IL9R: variants seen among roughly 807,000 people sequenced by gnomAD.
The protein encoded by IL9R is interleukin-9 receptor.
In IL9R, 54 loss-of-function variants were observed where a neutral mutation model predicts 56.3. The ratio of observed to expected loss-of-function variants is 0.96; its 90% CI spans 0.77 to 1.20. The LOEUF is 1.20. Ranked by LOEUF, IL9R falls within the 50% of genes most tolerant of loss-of-function variation. The pLI is 0.00. For synonymous variants in IL9R, 212 were observed against 250.2 expected, an observed-to-expected ratio of 0.85 and a Z score of 1.44; for missense variants, 545 against 629.8, an observed-to-expected ratio of 0.87 and a Z score of 1.44.
intron 1 of IL9R, chrX:156,001,368 A>G (rs1569468718): frequency 1.5e-6 from 2 of 1,349,864 alleles, no homozygotes; most frequent in South Asian, 2.3e-5. Context: ...CACATATCCC[A>G]AGAGCAGGCT....
At chrX:156,001,322 T>G (rs1334755474) in intron 1 of IL9R, 12 of 919,076 alleles carry the variant, frequency 1.3e-5, no homozygotes. Context: ...GTGCCTGTGC[T>G]TCCCCAGGTC....
At chrX:156,005,174 G>A in intron 5 of IL9R, 104 bp from the exon 6 acceptor site, 1 of 860,062 alleles carries the variant, frequency 1.2e-6, no homozygotes, top group Admixed American at 2.0e-5. Flanking sequence ...ACACAAGTGT[G>A]TTCAAGAGTG....
chrX:156,006,120 C>T lies in IL9R; in HGVS notation c.819C>T (p.Thr273=), dbSNP rs368064110. The T allele has an allele frequency of 5.1e-5, 81 of 1,599,798 alleles. No homozygotes were observed. The African/African-American group carries it at 9.9e-4, about 20-fold the overall frequency. Residue 273 remains threonine, a synonymous_variant, in exon 7 of 9, where the codon ACC becomes ACT. Transcript: ENST00000244174. ...CACCCTGGGGGTGGCCAGGCAACAC[C>T]CTTGTTGCTGTGTCCATCTTTCTCC... ...LIPPWGWPGN[T]LVAVSIFLLL...
intron 4 of IL9R, chrX:156,004,084 T>A: frequency 1.6e-6 from 1 of 608,670 alleles, no homozygotes; most frequent in South Asian, 2.0e-5. Flanking sequence ...GGCTGCTAGT[T>A]GGGGCAGGGG....
Position 156,001,566 on chromosome X carries a change from G to A in IL9R, c.29-1340G>A, listed in dbSNP as rs1190046383. On this transcript the variant is annotated intron_variant, in intron 1 of 8. Transcript: ENST00000244174. ...GACTGTCCTATGGGTACCTGTATAC[G>A]CTGCCGGGAGTGGGGCAGAGTGGGG... 4.4e-5 allele frequency: 53 copies of A among 1,214,438 alleles called. No individual in the cohort carries two copies. In the East Asian group the frequency reaches 7.2e-4, roughly 17 times the overall value. 75.2% of individuals were successfully genotyped at this position (1,214,438 alleles called of 1,614,324 possible).
intron 1 of IL9R, among the ~76,000 whole-genome samples, chrX:156,002,089 C>A (rs2067570277): frequency 6.6e-6 from 1 of 151,976 alleles, no homozygotes; most frequent in Non-Finnish European, 1.5e-5. Flanking sequence ...CGCCTGTAAT[C>A]CCAACACTTT....
At position 156,003,947 on chromosome X, in the gene IL9R, T is replaced by C. The variant is rs1053455941; in HGVS notation, c.433+92T>C. ...GGAGCAGGGCCTTGCAGCCTGTGAG[T>C]GGCCCAGTGAGTGTTCTCAGTCCCA... On this transcript the variant is annotated intron_variant, in intron 4 of 8. Transcript: ENST00000244174. The C allele has an allele frequency of 2.3e-6, 3 of 1,322,872 alleles. No individual in the cohort carries two copies. In the Admixed American group the frequency reaches 5.9e-5, roughly 26 times the overall value. 81.9% of individuals were successfully genotyped at this position (1,322,872 alleles called of 1,614,324 possible). A position where few individuals can be genotyped will look rare whatever the true frequency, so the allele number is the denominator to read the frequency against.
At chrX:156,001,528 A>C (rs780275378) in intron 1 of IL9R, 1 of 1,512,488 alleles carries the variant, frequency 6.6e-7, no homozygotes, top group Admixed American at 1.7e-5. Flanking sequence ...CCTGATCATC[A>C]GTCTTAACAG....
At chrX:156,001,541 G>T in intron 1 of IL9R, 1 of 1,423,444 alleles carries the variant, frequency 7.0e-7, no homozygotes, top group Non-Finnish European at 9.9e-7. Flanking sequence ...CTTAACAGGG[G>T]ACTGTCCTAT....
In IL9R at chrX:156,010,055, G is replaced by C. The variant is rs756014316; in HGVS notation, c.1212G>C (p.Thr404=). 5.1e-6 allele frequency: 8 copies of C among 1,554,842 alleles called. No individual in the cohort carries two copies. Among genetic ancestry groups the C allele is most frequent in the Admixed American group, 1.7e-5 (1 of 58,060 alleles). Residue 404 remains threonine, a synonymous_variant, in exon 9 of 9, where the codon ACG becomes ACC. Transcript: ENST00000244174. ...GGTGTACGGAGTGGAGGGTACAGAC[G>C]CTTGCCTATCTGCCACAGGAGGACT... ...PAGCTEWRVQ[T]LAYLPQEDWA... is the part of the protein sequence containing the mutation.
intron 2 of IL9R, 21 bp downstream of exon 2, chrX:156,003,040 T>C (rs2067649477): frequency 1.2e-6 from 2 of 1,613,510 alleles, no homozygotes; most frequent in Admixed American, 3.3e-5. Flanking sequence ...GGCACTAATG[T>C]CTGTATGAGG....
rs747804769 is a variant in IL9R at position 156,003,854 on chromosome X, C to G, written c.432C>G (p.His144Gln). ...ACCCGGAGTACCTGCCCCGGAGACA[C>G]GGTGAGCAGCAGCTATAGGTCTGGG... is the stretch of plus-strand genomic sequence containing the variant. ...LVDPEYLPRR[H>Q]VKLDPPSDLQ... is the part of the protein sequence containing the mutation. Residue 144 changes from histidine to glutamine, a missense_variant and splice_region_variant, in exon 4 of 9, where the codon CAC becomes CAG. This residue lies in a region of IL9R where 431 missense variants were observed against 360.0 expected (regional missense o/e 1.20). Transcript: ENST00000244174. The G allele has an allele frequency of 3.1e-6, 5 of 1,613,812 alleles. No homozygotes were observed. The highest frequency in any genetic ancestry group is 4.2e-6 in the Non-Finnish European group (5 of 1,179,826).
intron 5 of IL9R, among the ~76,000 whole-genome samples, chrX:156,004,846 ATGTT>A (rs2067806137): frequency 6.6e-6 from 1 of 151,874 alleles, no homozygotes; most frequent in Non-Finnish European, 1.5e-5. Flanking sequence ...GTGCACACTC[ATGTT>A]TGTGTGCCCA....
At chrX:155,999,501 C>CCCTCCTG (rs1422245126) in intron 1 of IL9R, among the ~76,000 whole-genome samples, 1 of 152,130 alleles carries the variant, frequency 6.6e-6, no homozygotes, top group Non-Finnish European at 1.5e-5. Context: ...CAGACCCCAT[C>CCCTCCTG]CCTCCTGCCT....
Position 155,997,782 on chromosome X carries a change from G to A in IL9R, c.23G>A (p.Trp8Ter), listed in dbSNP as rs2067242629. The change falls in exon 1 of 9, where the codon TGG becomes TAG. Residue 8 changes from tryptophan (W) to a stop codon, truncating the protein, a stop_gained. Transcript: ENST00000244174. LOFTEE classifies it high-confidence loss of function. Reference sequence around the variant, plus strand: ...GTGATGGGACTGGGCAGATGCATCTGGGAAGGTGAGTCTGTGCTTTGGGCT... The same window carrying A: ...GTGATGGGACTGGGCAGATGCATCTAGGAAGGTGAGTCTGTGCTTTGGGCT... MGLGRCI[W>*]EGWTLESEAL... The A allele has an allele frequency of 6.2e-7, 1 of 1,613,508 alleles. No homozygotes were observed.
At chrX:155,998,443 G>GC (rs1267386313) in intron 1 of IL9R, among the ~76,000 whole-genome samples, 1 of 152,008 alleles carries the variant, frequency 6.6e-6, no homozygotes, top group African/African-American at 2.4e-5. Flanking sequence ...GAGGATGTGG[G>GC]CCCTGCTTGG....
intron 8 of IL9R, among the ~76,000 whole-genome samples, chrX:156,009,238 TG>T (rs2068277600): frequency 3.9e-4 from 1 of 2,558 alleles, no homozygotes; most frequent in Non-Finnish European, 8.3e-4. Flanking sequence ...TGTGTGTTCG[TG>T]TGGTGTGTGT....
At chrX:156,005,043 G>A (rs1314441848) in intron 5 of IL9R, among the ~76,000 whole-genome samples, 1 of 152,022 alleles carries the variant, frequency 6.6e-6, no homozygotes, top group Non-Finnish European at 1.5e-5. Flanking sequence ...TGTTCCTGTA[G>A]ACATGTTTGC....
intron 6 of IL9R, 41 bp downstream of exon 6, chrX:156,005,520 G>T (rs374431402): frequency 6.4e-7 from 1 of 1,557,898 alleles, no homozygotes; most frequent in Non-Finnish European, 8.8e-7. Context: ...GCGGAGTCTG[G>T]GCTGGGCGTC....
Sources: gnomAD v4.1 joint callset for allele counts (sites outside exome capture counted in the v4.1 genomes callset) on GRCh38, gnomAD v4.1.1 for gene constraint, gnomAD v4.1.1 regional missense constraint, MANE v1.5 for transcripts, NCBI Gene and HGNC (gene_info 2026-07-23, HGNC 2026-07-21) for gene names.